The following RAB38 variants were observed in gnomAD, a reference collection of about 807,000 sequenced individuals.
RAB38 encodes the protein RAB38, member RAS oncogene family.
In RAB38, 15 loss-of-function variants were observed where a neutral mutation model predicts 18.4. The ratio of observed to expected loss-of-function variants is 0.82; its 90% CI spans 0.55 to 1.26. RAB38 has a LOEUF of 1.26. Among genes scored for constraint, RAB38 ranks in the 50% most tolerant of loss-of-function variants. The probability of loss-of-function intolerance (pLI) is 0.00; values close to 1 mark genes in which losing one functional copy is unlikely to be tolerated. For synonymous variants in RAB38, 101 were observed against 104.4 expected (o/e 0.97, Z 0.20); for missense variants, 294 against 267.4 (o/e 1.10, Z -0.69).
At chr11:88,017,506 C>T in the RAB38 span, among the ~76,000 whole-genome samples, 1 of 151,398 alleles carries the variant, frequency 6.6e-6, no homozygotes, top group Non-Finnish European at 1.5e-5. Context: ...GTCTCAAGGA[C>T]ATCTGTCTCT....
At chr11:88,101,264 C>T in the RAB38 span, among the ~76,000 whole-genome samples, 4 of 152,000 alleles carry the variant, frequency 2.6e-5, no homozygotes, top group South Asian at 8.3e-4. Flanking sequence ...CATGGCTTAA[C>T]ATTTTTTCAT....
At chr11:87,927,125 G>A in the RAB38 span, among the ~76,000 whole-genome samples, 2 of 151,966 alleles carry the variant, frequency 1.3e-5, no homozygotes, top group Non-Finnish European at 2.9e-5. Context: ...AGAAAGAGGC[G>A]TCCCACTAAA....
chr11:87,888,846 C>T, the RAB38 span, among the ~76,000 whole-genome samples: 2 of 151,940 alleles, frequency 1.3e-5, no homozygotes, highest in African/African-American at 4.8e-5. Context: ...AAATGAAGTA[C>T]TGCACTGTTG....
the RAB38 span, among the ~76,000 whole-genome samples, chr11:88,080,057 A>G: frequency 6.6e-6 from 1 of 151,822 alleles, no homozygotes; most frequent in Non-Finnish European, 1.5e-5. Context: ...AATAAATAAA[A>G]AAACAAAAAT....
chr11:87,889,536 T>TA, the RAB38 span, among the ~76,000 whole-genome samples: 1 of 151,936 alleles, frequency 6.6e-6, no homozygotes, highest in Non-Finnish European at 1.5e-5. Context: ...TAATGATAGT[T>TA]ATAATTTTTG....
At chr11:87,923,165 TGGTGGTCCTGCGTTGG>T in the RAB38 span, among the ~76,000 whole-genome samples, 2 of 151,954 alleles carry the variant, frequency 1.3e-5, no homozygotes, top group Non-Finnish European at 2.9e-5. Flanking sequence ...AGTTTAAACA[TGGTGGTCCTGCGTTGG>T]GGTGGTTGAA....
chr11:87,885,341 GCTCT>G, the RAB38 span, among the ~76,000 whole-genome samples: 3 of 145,086 alleles, frequency 2.1e-5, no homozygotes, highest in African/African-American at 5.3e-5. Context: ...TCCTGCTTCT[GCTCT>G]CTCTGCTTTG....
At chr11:88,006,359 G>C in the RAB38 span, among the ~76,000 whole-genome samples, 1 of 151,356 alleles carries the variant, frequency 6.6e-6, no homozygotes, top group Non-Finnish European at 1.5e-5. Context: ...ATGAAAAACA[G>C]TATGGAGTTT....
At chr11:88,125,688 T>G (rs1239166548) in intron 2 of RAB38, among the ~76,000 whole-genome samples, 1 of 152,208 alleles carries the variant, frequency 6.6e-6, no homozygotes. Flanking sequence ...TGATGGTAGT[T>G]TCTTTTGCTG....
chr11:87,810,249 G>T, the RAB38 span, among the ~76,000 whole-genome samples: 1 of 151,938 alleles, frequency 6.6e-6, no homozygotes, highest in Non-Finnish European at 1.5e-5. Context: ...CAATTATCTA[G>T]ATTTTTATTA....
At chr11:87,916,872 G>T in the RAB38 span, among the ~76,000 whole-genome samples, 1 of 152,046 alleles carries the variant, frequency 6.6e-6, no homozygotes, top group Admixed American at 6.6e-5. Context: ...ATGATGTTTT[G>T]TATACATAGT....
the RAB38 span, among the ~76,000 whole-genome samples, chr11:88,061,327 T>A: frequency 2.0e-5 from 3 of 152,170 alleles, no homozygotes; most frequent in African/African-American, 4.8e-5. Flanking sequence ...AAGACCCAAG[T>A]GCAAGCAATT....
the RAB38 span, among the ~76,000 whole-genome samples, chr11:88,048,268 G>A: frequency 5.3e-5 from 8 of 152,240 alleles, no homozygotes; most frequent in South Asian, 2.1e-4. Flanking sequence ...AGGCCACCAC[G>A]GTCATTTCTG....
the RAB38 span, among the ~76,000 whole-genome samples, chr11:87,950,236 C>T: frequency 6.6e-6 from 1 of 152,062 alleles, no homozygotes; most frequent in Non-Finnish European, 1.5e-5. Flanking sequence ...TTTCCATTTG[C>T]TTGATAAATC....
the RAB38 span, among the ~76,000 whole-genome samples, chr11:88,019,153 T>C: frequency 6.6e-6 from 1 of 152,128 alleles, no homozygotes; most frequent in African/African-American, 2.4e-5. Flanking sequence ...AAACTGGAAA[T>C]ACACCTTCAC....
At chr11:88,007,179 G>T in the RAB38 span, among the ~76,000 whole-genome samples, 1 of 151,728 alleles carries the variant, frequency 6.6e-6, no homozygotes, top group African/African-American at 2.4e-5. Context: ...AACTAAATAT[G>T]AGGACTAAAA....
At chr11:87,949,644 T>G in the RAB38 span, among the ~76,000 whole-genome samples, 20 of 152,242 alleles carry the variant, frequency 1.3e-4, no homozygotes, top group African/African-American at 4.8e-4. Flanking sequence ...CATTTCATTA[T>G]GTACCCACTA....
chr11:87,943,116 A>G, the RAB38 span, among the ~76,000 whole-genome samples: 3 of 151,900 alleles, frequency 2.0e-5, no homozygotes. Context: ...ACAATACCCC[A>G]TGGGAACAGA....
chr11:87,896,735 C>T, the RAB38 span, among the ~76,000 whole-genome samples: 1 of 151,702 alleles, frequency 6.6e-6, no homozygotes, highest in African/African-American at 2.4e-5. Context: ...AGTTACTAAT[C>T]GTATTGACCC....
Sources: allele counts gnomAD v4.1 joint callset (sites outside exome capture counted in the v4.1 genomes callset), GRCh38; gene constraint gnomAD v4.1.1; transcripts MANE v1.5; gene names NCBI Gene and HGNC (gene_info 2026-07-23, HGNC 2026-07-21).